Variants in OASL observed in about 807,000 individuals in gnomAD.
OASL encodes 2'-5'-oligoadenylate synthase-like protein.
OASL carries 28 observed loss-of-function variants against 35.3 expected under a neutral mutation model. The observed-to-expected ratio is 0.79, with a 90% CI of 0.59 to 1.09. OASL has a LOEUF of 1.09. Among genes scored for constraint, OASL ranks in the 50% least tolerant of loss-of-function variants. OASL has a pLI of 0.00. For missense variants in OASL, 620 were observed against 635.2 expected, an observed-to-expected ratio of 0.98 and a Z score of 0.26; for synonymous variants, 252 against 254.6, an observed-to-expected ratio of 0.99 and a Z score of 0.10.
exon 2 of OASL, chr12:121,033,697 A>C: frequency 1.2e-6 from 2 of 1,613,716 alleles, no homozygotes; most frequent in Middle Eastern, 1.7e-4. Flanking sequence ...CACCAGCTCC[A>C]CCTCTCTGGT....
chr12:121,039,010 C>A lies in OASL; in HGVS notation c.-39G>T, dbSNP rs975118227. 1.9e-6 allele frequency: 3 copies of A among 1,572,920 alleles called. No homozygotes were observed. The African/African-American group carries it at 4.0e-5, about 21-fold the overall frequency. On this transcript the variant is annotated 5_prime_UTR_variant, in exon 1 of 6. Transcript: ENST00000257570. The stretch of plus-strand genomic sequence containing the variant: ...GTACCGCTGCTGGGCAGATATATAG[C>A]CAGGCTCCTACCCAGCTCCCTGGCA...
chr12:121,028,743 A>C (rs1869602472), intron 3 of OASL, among the ~76,000 whole-genome samples: 1 of 151,208 alleles, frequency 6.6e-6, no homozygotes, highest in African/African-American at 2.4e-5. Context: ...GAAGCATCTT[A>C]ACTGACAGTG....
At chr12:121,038,887 A>G in exon 1 of OASL, 1 of 1,611,268 alleles carries the variant, frequency 6.2e-7, no homozygotes, top group Admixed American at 1.7e-5. Context: ...TCTTCCTTCC[A>G]CTCCCGGTGG....
At chr12:121,024,615 CA>C (rs879814365) in intron 4 of OASL, among the ~76,000 whole-genome samples, 87 of 140,330 alleles carry the variant, frequency 6.2e-4, no homozygotes, top group Non-Finnish European at 6.1e-4. Context: ...GAGACTGTCT[CA>C]AAAAAAAAAA....
intron 1 of OASL, among the ~76,000 whole-genome samples, chr12:121,037,271 G>C (rs1445449929): frequency 6.6e-6 from 1 of 152,104 alleles, no homozygotes; most frequent in Non-Finnish European, 1.5e-5. Context: ...TGAGTCATTG[G>C]TGAGACTGTC....
At chr12:121,034,106 G>T (rs375326198) in intron 1 of OASL, among the ~76,000 whole-genome samples, 44 of 152,186 alleles carry the variant, frequency 2.9e-4, no homozygotes, top group East Asian at 2.7e-3. Flanking sequence ...TGGGGTGCCT[G>T]GCACACAGGA....
rs9738230 is a variant in OASL at position 121,023,287 on chromosome 12, C to T, written c.1047+703G>A. On this transcript the variant is annotated intron_variant, in intron 5 of 5. Coordinates refer to ENST00000257570, the Ensembl canonical transcript of OASL. Reference sequence around the variant, plus strand: ...AGTGAGGGTGGTGTCTTTTTTTTTTCTTTTTTTCTTTTTTTTTTGAGGCAG... The same window carrying T: ...AGTGAGGGTGGTGTCTTTTTTTTTTTTTTTTTTCTTTTTTTTTTGAGGCAG... 1.0e-3 allele frequency among the ~76,000 whole-genome samples: 129 copies of T among 123,150 alleles called. 1 individual carries two copies. Among genetic ancestry groups the T allele is most frequent in the Non-Finnish European group, 1.1e-3 (67 of 59,396 alleles). 80.8% of individuals were successfully genotyped at this position (123,150 alleles called of 152,430 possible).
At position 121,023,751 on chromosome 12, in the gene OASL, A is replaced by G. The variant is rs1869354930; in HGVS notation, c.1047+239T>C. The G allele has an allele frequency of 4.1e-5, 18 of 442,656 alleles. No individual in the cohort carries two copies. In the South Asian group the frequency reaches 5.4e-4, roughly 13 times the overall value. 27.4% of individuals were successfully genotyped at this position (442,656 alleles called of 1,614,324 possible). A position where few individuals can be genotyped will look rare whatever the true frequency, so the allele number is the denominator to read the frequency against. Reference sequence around the variant, plus strand: ...ATCAGGAACACAGAACTGATTCTCCAGTAAATTATGGGAAAAAGAAAGGAA... The same window carrying G: ...ATCAGGAACACAGAACTGATTCTCCGGTAAATTATGGGAAAAAGAAAGGAA... On this transcript the variant is annotated intron_variant, in intron 5 of 5. Coordinates refer to ENST00000257570, the Ensembl canonical transcript of OASL.
At chr12:121,031,591 G>T in exon 3 of OASL, 1 of 1,613,676 alleles carries the variant, frequency 6.2e-7, no homozygotes. Context: ...ACCTCAGGGG[G>T]TGGCTGGGAG....
At chr12:121,028,510 C>T (rs1158083009) in intron 3 of OASL, among the ~76,000 whole-genome samples, 2 of 152,122 alleles carry the variant, frequency 1.3e-5, no homozygotes, top group East Asian at 1.9e-4. Flanking sequence ...GCCATTTTGC[C>T]ACCAAGAGGG....
chr12:121,020,136 T>C (rs1869169981), exon 6 of OASL: 1 of 155,370 alleles, frequency 6.4e-6, no homozygotes, highest in Non-Finnish European at 1.4e-5. Flanking sequence ...TACTTATTTT[T>C]ATGTTTTAGT....
At chr12:121,019,881 C>G (rs1869161812) in exon 6 of OASL, 1 of 152,150 alleles carries the variant, frequency 6.6e-6, no homozygotes, top group Non-Finnish European at 1.5e-5. Context: ...GTCTGGGGAG[C>G]TTATTTGGGT....
intron 4 of OASL, among the ~76,000 whole-genome samples, 200 bp downstream of exon 4, chr12:121,027,376 T>A (rs1869531274): frequency 6.6e-6 from 1 of 152,224 alleles, no homozygotes; most frequent in Non-Finnish European, 1.5e-5. Context: ...AACAGGCTTC[T>A]ACCCGCCCCA....
At chr12:121,022,354 G>C (rs1415657488) in intron 5 of OASL, among the ~76,000 whole-genome samples, 4 of 152,012 alleles carry the variant, frequency 2.6e-5, no homozygotes, top group Non-Finnish European at 5.9e-5. Flanking sequence ...CAAAGTGCTG[G>C]GATTACAGAT....
rs572844656 is a variant in OASL, at chr12:121,028,722, A to C, written c.658-905T>G. Reference sequence around the variant, plus strand: ...GAGTTGGTTTTTGTGTTTTTCTCTTACTTGCAAAAGGAAGCATCTTAACTG... The same window carrying C: ...GAGTTGGTTTTTGTGTTTTTCTCTTCCTTGCAAAAGGAAGCATCTTAACTG... On this transcript the variant is annotated intron_variant, in intron 3 of 5. Transcript: ENST00000257570. 4.3e-5 allele frequency among the ~76,000 whole-genome samples: 6 copies of C among 140,540 alleles called. 1 individual carries two copies. Among genetic ancestry groups the C allele is most frequent in the African/African-American group, 1.3e-4 (5 of 37,936 alleles). The allele number at this position is 140,540 out of a possible 152,430, so 92.2% of individuals were successfully genotyped here.
At chr12:121,025,855 G>A (rs1033894427) in intron 4 of OASL, among the ~76,000 whole-genome samples, 3 of 151,956 alleles carry the variant, frequency 2.0e-5, no homozygotes, top group Admixed American at 1.3e-4. Context: ...CTGTGTAATC[G>A]AATGTGACAC....
chr12:121,021,661 A>G (rs1390982567), intron 5 of OASL, among the ~76,000 whole-genome samples: 3 of 152,130 alleles, frequency 2.0e-5, no homozygotes, highest in Admixed American at 6.5e-5. Flanking sequence ...AAATGCAAAA[A>G]TTAGCCGGGT....
At chr12:121,037,222 C>T (rs891472047) in intron 1 of OASL, among the ~76,000 whole-genome samples, 11 of 152,064 alleles carry the variant, frequency 7.2e-5, no homozygotes, top group Admixed American at 6.6e-5. Flanking sequence ...TGGGGTATCT[C>T]TCACCCTCTC....
chr12:121,027,690 G>A lies in OASL; in HGVS notation c.785C>T (p.Thr262Ile), dbSNP rs1051522339. The A allele has an allele frequency of 2.5e-6, 4 of 1,614,092 alleles. No homozygotes were observed. The African/African-American group carries it at 4.0e-5, about 16-fold the overall frequency. ...ATACTCCAGGAGCAGGTCCATCACAGTGGTGAAGCCTTCGTCCAACATGAA... is the reference window on the plus strand; with the variant it reads ...ATACTCCAGGAGCAGGTCCATCACAATGGTGAAGCCTTCGTCCAACATGAA... The change falls in exon 4 of 6, where the codon ACT (threonine) becomes ATT (isoleucine). Residue 262 changes from threonine (T) to isoleucine (I), a missense_variant. Physicochemically the swap from Thr to Ile is moderately conservative, Grantham distance 89 (BLOSUM62 -1). Transcript: ENST00000257570.
Sources: allele counts gnomAD v4.1 joint callset (sites outside exome capture counted in the v4.1 genomes callset), GRCh38; gene constraint gnomAD v4.1.1; transcripts MANE v1.5; gene names NCBI Gene and HGNC (gene_info 2026-07-23, HGNC 2026-07-21).